TENM1: variants seen among roughly 807,000 people sequenced by gnomAD.
TENM1 encodes teneurin transmembrane protein 1.
TENM1 carries 35 observed loss-of-function variants against 174.8 expected under a neutral mutation model. The ratio of observed to expected loss-of-function variants is 0.20; its 90% CI spans 0.15 to 0.27. TENM1 has a LOEUF of 0.27. Ranked by LOEUF, TENM1 falls within the 10% of genes least tolerant of loss-of-function variation. The pLI is 1.00. For synonymous variants in TENM1, 781 were observed against 798.7 expected, an observed-to-expected ratio of 0.98 and a Z score of 0.37; for missense variants, 1,633 against 2,130.1, an observed-to-expected ratio of 0.77 and a Z score of 4.59.
chrX:124,786,020 T>C lies in TENM1; in HGVS notation c.536-48823A>G, dbSNP rs1416501049. 3.6e-5 allele frequency among the ~76,000 whole-genome samples: 4 copies of C among 111,656 alleles called. No individual in the cohort carries two copies. In the East Asian group the frequency reaches 1.1e-3, roughly 31 times the overall value. On this transcript the variant is annotated intron_variant, in intron 3 of 31. Coordinates refer to ENST00000422452, the Ensembl canonical transcript of TENM1. ...TAGTATAATAGGTCAATGTTGCTCC[T>C]GAATATAACAATAATCTACATATAT...
chrX:124,744,212 G>C (rs2053864785), intron 3 of TENM1, among the ~76,000 whole-genome samples: 2 of 112,001 alleles, frequency 1.8e-5, no homozygotes, highest in African/African-American at 6.5e-5. Context: ...AATTATTGTA[G>C]TAATTGCTCA....
At chrX:124,863,605 T>C (rs755739406) in intron 3 of TENM1, among the ~76,000 whole-genome samples, 45 of 111,675 alleles carry the variant, frequency 4.0e-4, no homozygotes, top group Non-Finnish European at 7.2e-4. Context: ...TACAATACAA[T>C]AGAACGCCAG....
chrX:125,162,304 T>G, the TENM1 span, among the ~76,000 whole-genome samples: 1 of 112,160 alleles, frequency 8.9e-6, no homozygotes, highest in African/African-American at 3.2e-5. Flanking sequence ...CCCATTTCTT[T>G]TTACTTTATC....
In TENM1 at chrX:124,664,679, GGTGTGTGTGTGTGTGTGTGTGT is replaced by G. The variant is rs576286188; in HGVS notation, c.1168+6982_1168+7003del. On this transcript the variant is annotated intron_variant, in intron 6 of 31. Coordinates refer to ENST00000422452, the Ensembl canonical transcript of TENM1. ...TTTCAATTCCCAAGAGTACTTGTGG[GGTGTGTGTGTGTGTGTGTGTGT>G]GTGTGTGTGTGTGTGTGTGTATCTT... is the stretch of plus-strand genomic sequence containing the variant. Among the ~76,000 whole-genome samples the G allele has an allele frequency of 3.4e-4, 30 of 86,968 alleles. No homozygotes were observed. The Admixed American group carries it at 3.5e-3, about 10-fold the overall frequency. 75.5% of individuals were successfully genotyped at this position (86,968 alleles called of 115,157 possible).
At chrX:125,191,753 C>CA in the TENM1 span, among the ~76,000 whole-genome samples, 2 of 111,370 alleles carry the variant, frequency 1.8e-5, no homozygotes, top group African/African-American at 6.5e-5. Context: ...CTGAAAGAGT[C>CA]AAAAAGGATC....
chrX:124,624,161 C>T lies in TENM1; in HGVS notation c.2077+17630G>A, dbSNP rs190550363. ...AGAAGTTAAATGACTTGCTTAAGGTCATGTAGCTAATTAGGAGAGAGGCTG... is the reference window on the plus strand; with the variant it reads ...AGAAGTTAAATGACTTGCTTAAGGTTATGTAGCTAATTAGGAGAGAGGCTG... On this transcript the variant is annotated intron_variant, in intron 11 of 31. Transcript: ENST00000422452. Among the ~76,000 whole-genome samples, 14 of 111,755 alleles carry T rather than the reference C, an allele frequency of 1.3e-4. No homozygotes were observed. In the East Asian group the frequency reaches 3.7e-3, roughly 29 times the overall value.
At chrX:125,129,814 T>C in the TENM1 span, among the ~76,000 whole-genome samples, 1 of 111,637 alleles carries the variant, frequency 9.0e-6, no homozygotes, top group East Asian at 2.8e-4. Context: ...CTATTATGTA[T>C]ATATACCACA....
At chrX:124,625,675 G>T (rs1023884717) in intron 11 of TENM1, among the ~76,000 whole-genome samples, 2 of 110,802 alleles carry the variant, frequency 1.8e-5, no homozygotes, top group Admixed American at 1.9e-4. Flanking sequence ...GAAGGCAAAG[G>T]GGGAGGAAGG....
intron 11 of TENM1, among the ~76,000 whole-genome samples, chrX:124,575,630 A>G (rs1277538644): frequency 8.9e-6 from 1 of 112,206 alleles, no homozygotes; most frequent in Non-Finnish European, 1.9e-5. Context: ...TTTCCTTTAT[A>G]AAGGAACTGG....
the TENM1 span, among the ~76,000 whole-genome samples, chrX:124,978,091 T>C: frequency 9.0e-6 from 1 of 110,522 alleles, no homozygotes; most frequent in Non-Finnish European, 1.9e-5. Context: ...GCTGATTGTC[T>C]CTTTTGCCAT....
intron 3 of TENM1, among the ~76,000 whole-genome samples, chrX:124,860,795 T>C (rs2056898291): frequency 8.9e-6 from 1 of 111,808 alleles, no homozygotes; most frequent in Non-Finnish European, 1.9e-5. Flanking sequence ...AAAACCACTT[T>C]TCTCCTGAGA....
At chrX:124,537,434 G>A (rs2048228384) in intron 15 of TENM1, among the ~76,000 whole-genome samples, 1 of 111,774 alleles carries the variant, frequency 8.9e-6, no homozygotes, top group Non-Finnish European at 1.9e-5. Context: ...ACTCAGAGAA[G>A]TTAAAAGTTT....
At chrX:124,890,793 T>C (rs1393359599) in intron 3 of TENM1, among the ~76,000 whole-genome samples, 1 of 110,467 alleles carries the variant, frequency 9.1e-6, no homozygotes, top group African/African-American at 3.3e-5. Flanking sequence ...AAACTAAAAA[T>C]AGAACTACCA....
intron 6 of TENM1, among the ~76,000 whole-genome samples, chrX:124,664,387 A>C (rs2051687211): frequency 9.0e-6 from 1 of 110,619 alleles, no homozygotes; most frequent in East Asian, 2.8e-4. Flanking sequence ...TTGGTACCAC[A>C]TAATGAATCT....
At chrX:124,492,251 A>C (rs2047084337) in intron 20 of TENM1, among the ~76,000 whole-genome samples, 1 of 111,741 alleles carries the variant, frequency 8.9e-6, no homozygotes, top group Non-Finnish European at 1.9e-5. Flanking sequence ...TAAAGTGACT[A>C]ATTTGCATGG....
intron 5 of TENM1, among the ~76,000 whole-genome samples, chrX:124,702,096 T>C (rs968263599): frequency 8.9e-6 from 1 of 111,926 alleles, no homozygotes; most frequent in African/African-American, 3.2e-5. Context: ...CAAATGGGGA[T>C]TGAAAAAAAT....
intron 8 of TENM1, 118 bp from the exon 12 acceptor site, chrX:124,646,928 T>A (rs1009701733): frequency 2.1e-6 from 1 of 470,527 alleles, no homozygotes; most frequent in Admixed American, 4.2e-5. Flanking sequence ...TTGCTGTTTG[T>A]GGAGCACTTA....
chrX:125,109,188 C>CA, the TENM1 span, among the ~76,000 whole-genome samples: 1 of 97,919 alleles, frequency 1.0e-5, no homozygotes, highest in Non-Finnish European at 1.9e-5. Context: ...CACACACTTA[C>CA]ACACACAGAC....
chrX:124,462,795 T>C (rs1350671092), intron 22 of TENM1, among the ~76,000 whole-genome samples: 1 of 111,734 alleles, frequency 8.9e-6, no homozygotes, highest in Admixed American at 9.5e-5. Context: ...TTTCCATGCA[T>C]TTATACTGAA....
Sources: allele counts gnomAD v4.1 joint callset (sites outside exome capture counted in the v4.1 genomes callset), GRCh38; gene constraint gnomAD v4.1.1; transcripts MANE v1.5; gene names NCBI Gene and HGNC (gene_info 2026-07-23, HGNC 2026-07-21).